Variants in SDC2 observed in about 807,000 individuals in gnomAD.
The protein encoded by SDC2 is syndecan 2.
A neutral mutation model predicts 22.2 loss-of-function variants in SDC2; 13 were observed. The ratio of observed to expected loss-of-function variants is 0.59; its 90% CI spans 0.38 to 0.93. The LOEUF (loss-of-function observed/expected upper bound fraction) is 0.93. Among genes scored for constraint, SDC2 ranks in the 40% least tolerant of loss-of-function variants. The probability of loss-of-function intolerance (pLI) is 0.00; values close to 1 mark genes in which losing one functional copy is unlikely to be tolerated. For synonymous variants in SDC2, 94 were observed against 92.8 expected (o/e 1.01, Z -0.07); for missense variants, 235 against 246.8 (o/e 0.95, Z 0.32).
chr8:96,519,358 T>C (rs1452621518), intron 1 of SDC2, among the ~76,000 whole-genome samples: 1 of 152,244 alleles, frequency 6.6e-6, no homozygotes, highest in Non-Finnish European at 1.5e-5. Context: ...ATGTTTACTT[T>C]TCGTCATTTC....
At chr8:96,587,822 C>T (rs1160272944) in intron 1 of SDC2, among the ~76,000 whole-genome samples, 2 of 151,984 alleles carry the variant, frequency 1.3e-5, no homozygotes, top group Non-Finnish European at 2.9e-5. Context: ...CTTCCCCAGT[C>T]CTTTATTATT....
intron 2 of SDC2, among the ~76,000 whole-genome samples, chr8:96,601,443 C>T (rs1814982226): frequency 1.3e-5 from 2 of 151,924 alleles, no homozygotes; most frequent in African/African-American, 2.4e-5. Flanking sequence ...AGATCCAGAC[C>T]ATCCTGGCCA....
At chr8:96,494,442 T>C in intron 1 of SDC2, 111 bp downstream of exon 1, 1 of 963,346 alleles carries the variant, frequency 1.0e-6, no homozygotes, top group South Asian at 1.6e-5. Flanking sequence ...TCCCCAAGTA[T>C]ACACCGGAGA....
chr8:96,498,612 T>C (rs2130415605), intron 1 of SDC2, among the ~76,000 whole-genome samples: 1 of 152,146 alleles, frequency 6.6e-6, no homozygotes, highest in South Asian at 2.1e-4. Flanking sequence ...TGCCTCAGCC[T>C]CCCGAGTAGC....
In SDC2 at chr8:96,602,538, AT is replaced by A. The variant is rs1450924110; in HGVS notation, c.306+14del. On this transcript the variant is annotated intron_variant, in intron 3 of 4. Coordinates refer to ENST00000302190, the MANE Select transcript of SDC2 (RefSeq NM_002998.4). ...ACCTGCTCAGACAAAGGTGCGTTCT[AT>A]TTTCCATTGCATTGCATTATCAGGT... 2.5e-6 allele frequency: 4 copies of A among 1,613,870 alleles called. No homozygotes were observed. The Admixed American group carries it at 6.7e-5, about 27-fold the overall frequency.
intron 1 of SDC2, among the ~76,000 whole-genome samples, chr8:96,592,822 A>G (rs1311247189): frequency 6.6e-6 from 1 of 152,256 alleles, no homozygotes; most frequent in African/African-American, 2.4e-5. Flanking sequence ...GAGCCCTAGA[A>G]GCAGGCGTGC....
chr8:96,500,969 G>A (rs1442114539), intron 1 of SDC2, among the ~76,000 whole-genome samples: 1 of 152,192 alleles, frequency 6.6e-6, no homozygotes, highest in African/African-American at 2.4e-5. Flanking sequence ...AAGCCAATGA[G>A]TATGCAGCTG....
chr8:96,572,602 ACAAC>A (rs1554604333), intron 1 of SDC2, among the ~76,000 whole-genome samples: 2 of 152,150 alleles, frequency 1.3e-5, no homozygotes, highest in Admixed American at 6.5e-5. Flanking sequence ...GTTAAAAAAA[ACAAC>A]AAAGGCCCCA....
intron 1 of SDC2, among the ~76,000 whole-genome samples, chr8:96,516,904 A>G (rs1030696632): frequency 1.3e-5 from 2 of 152,202 alleles, no homozygotes; most frequent in African/African-American, 4.8e-5. Context: ...GTCCAAGTGT[A>G]CAAGTTTCAT....
At chr8:96,551,717 G>T (rs1028314110) in intron 1 of SDC2, among the ~76,000 whole-genome samples, 4 of 152,172 alleles carry the variant, frequency 2.6e-5, no homozygotes, top group Non-Finnish European at 5.9e-5. Context: ...AGGCAGGTAG[G>T]ATATGCCAAG....
At chr8:96,563,119 CTG>C (rs752200793) in intron 1 of SDC2, among the ~76,000 whole-genome samples, 60 of 152,264 alleles carry the variant, frequency 3.9e-4, no homozygotes, top group Non-Finnish European at 7.8e-4. Flanking sequence ...AGCGAGGTGA[CTG>C]TGTTGCCAAG....
chr8:96,597,176 A>G (rs114147449), intron 2 of SDC2, among the ~76,000 whole-genome samples: 3,649 of 152,300 alleles, frequency 0.024, 144 homozygotes, highest in African/African-American at 0.084. Flanking sequence ...ATAAGTTCTT[A>G]GATTAAGAAT....
chr8:96,494,135 G>A lies in SDC2; in HGVS notation c.-137G>A, dbSNP rs1813007977. 2 of 848,064 alleles carry A rather than the reference G, an allele frequency of 2.4e-6. No homozygotes were observed. The highest frequency in any genetic ancestry group is 3.5e-6 in the Non-Finnish European group (2 of 570,584). 52.5% of individuals were successfully genotyped at this position (848,064 alleles called of 1,614,324 possible). A position where few individuals can be genotyped will look rare whatever the true frequency, so the allele number is the denominator to read the frequency against. ...GAGCGCCCCCGAGCCCCGAGCCCGAGTCCCCGAGCCTGAGCCGCAATCGCT... is the reference window on the plus strand; with the variant it reads ...GAGCGCCCCCGAGCCCCGAGCCCGAATCCCCGAGCCTGAGCCGCAATCGCT... On this transcript the variant is annotated 5_prime_UTR_variant, in exon 1 of 5. Coordinates refer to ENST00000302190, the MANE Select transcript of SDC2 (RefSeq NM_002998.4).
Position 96,610,435 on chromosome 8 carries a change from G to A in SDC2, c.*887G>A, listed in dbSNP as rs549641392. On this transcript the variant is annotated 3_prime_UTR_variant, in exon 5 of 5. Coordinates refer to ENST00000302190, the MANE Select transcript of SDC2 (RefSeq NM_002998.4). The stretch of plus-strand genomic sequence containing the variant: ...TTAAAAATGCATTTAAGTTGTAAAC[G>A]TCTTTTTAAGCCTTTGAAGTGCCTC... The A allele has an allele frequency of 2.6e-5, 4 of 152,534 alleles. No homozygotes were observed. The highest frequency in any genetic ancestry group is 4.4e-5 in the Non-Finnish European group (3 of 68,008). 9.4% of individuals were successfully genotyped at this position (152,534 alleles called of 1,614,324 possible).
intron 3 of SDC2, among the ~76,000 whole-genome samples, chr8:96,607,185 A>G (rs1471555371): frequency 7.1e-6 from 1 of 141,134 alleles, no homozygotes; most frequent in East Asian, 2.1e-4. Flanking sequence ...ACTAAGAACC[A>G]TTTTTGATAA....
intron 1 of SDC2, among the ~76,000 whole-genome samples, chr8:96,495,974 C>T (rs1005964913): frequency 2.6e-5 from 4 of 152,188 alleles, no homozygotes; most frequent in Admixed American, 2.0e-4. Flanking sequence ...TCTTTGTACA[C>T]CAAAAGGCAG....
At chr8:96,586,670 A>T (rs898653246) in intron 1 of SDC2, 1 of 152,196 alleles carries the variant, frequency 6.6e-6, no homozygotes, top group Non-Finnish European at 1.5e-5. Context: ...CTATTACCTG[A>T]CATCTTTATG....
At chr8:96,588,990 T>A (rs1458119146) in intron 1 of SDC2, among the ~76,000 whole-genome samples, 1 of 152,242 alleles carries the variant, frequency 6.6e-6, no homozygotes, top group Admixed American at 6.5e-5. Flanking sequence ...TCCTACAAAT[T>A]GTCTTCGCTG....
chr8:96,508,168 C>T (rs1586270317), intron 1 of SDC2, among the ~76,000 whole-genome samples: 1 of 151,960 alleles, frequency 6.6e-6, no homozygotes, highest in Non-Finnish European at 1.5e-5. Context: ...TGGGGGCGGG[C>T]GCCTGTGGTC....
Sources: gnomAD v4.1 joint callset for allele counts (sites outside exome capture counted in the v4.1 genomes callset) on GRCh38, gnomAD v4.1.1 for gene constraint, MANE v1.5 for transcripts, NCBI Gene and HGNC (gene_info 2026-07-23, HGNC 2026-07-21) for gene names.